The following CD209 variants were observed in gnomAD, a reference collection of about 807,000 sequenced individuals.
CD209 encodes CD209 antigen.
Under a neutral mutation model 44.7 loss-of-function variants are expected in CD209, and 31 were observed. The observed-to-expected ratio is 0.69, with a 90% confidence interval of 0.52 to 0.94. CD209 has a LOEUF of 0.94. Ranked by LOEUF, CD209 falls within the 40% of genes least tolerant of loss-of-function variation. The pLI is 0.00. For missense variants in CD209, 407 were observed against 452.4 expected (o/e 0.90, Z 0.91); for synonymous variants, 173 against 181.3 (o/e 0.95, Z 0.37).
In CD209 at chr19:7,741,038, T is replaced by C; in HGVS notation, c.*2001A>G. 1 of 763,776 alleles carries C rather than the reference T, an allele frequency of 1.3e-6. No individual in the cohort carries two copies. Among genetic ancestry groups the C allele is most frequent in the Admixed American group, 2.1e-5 (1 of 47,900 alleles). 47.3% of individuals were successfully genotyped at this position (763,776 alleles called of 1,614,324 possible). A position where few individuals can be genotyped will look rare whatever the true frequency, so the allele number is the denominator to read the frequency against. On this transcript the variant is annotated 3_prime_UTR_variant, in exon 7 of 7. Transcript: ENST00000315599. ...CCAACATCCAGTCCTACCCTTCTTA[T>C]TAAAAGCATGTTTACAGTGTTTGGA...
At position 7,741,028 on chromosome 19, in the gene CD209, A is replaced by C. The variant is rs181926571; in HGVS notation, c.*2011T>G. ...ACATGATTTCCCAACATCCAGTCCT[A>C]CCCTTCTTATTAAAAGCATGTTTAC... is the stretch of plus-strand genomic sequence containing the variant. On this transcript the variant is annotated 3_prime_UTR_variant, in exon 7 of 7. Transcript: ENST00000315599. 1.3e-6 allele frequency: 1 copy of C among 747,436 alleles called. No homozygotes were observed. The allele number at this position is 747,436 out of a possible 1,614,324, so 46.3% of individuals were successfully genotyped here.
chr19:7,741,299 G>T lies in CD209; in HGVS notation c.*1740C>A. On this transcript the variant is annotated 3_prime_UTR_variant, in exon 7 of 7. Coordinates refer to ENST00000315599, the MANE Select transcript of CD209 (RefSeq NM_021155.4). ...ATCCTGGTCAACATGTTGAAACCCC[G>T]TCTCTACCAAAAATACAAGAATTAG... 1 of 396,140 alleles carries T rather than the reference G, an allele frequency of 2.5e-6. No homozygotes were observed. 24.5% of individuals were successfully genotyped at this position (396,140 alleles called of 1,614,324 possible).
chr19:7,743,054 G>A lies in CD209; in HGVS notation c.1200C>T (p.Asn400=), dbSNP rs773931530. Residue 400 remains asparagine (N), a synonymous_variant, in exon 7 of 7, where the codon AAC becomes AAT. Coordinates refer to ENST00000315599, the MANE Select transcript of CD209 (RefSeq NM_021155.4). ...QFLSPAPATP[N]PPPA ...TGAAGTTCTGCTACGCAGGAGGGGG[G>A]TTTGGGGTGGCAGGGGCTGGAGAAA... 2.5e-5 allele frequency: 40 copies of A among 1,610,566 alleles called. No homozygotes were observed. In the Admixed American group the frequency reaches 6.0e-4, roughly 24 times the overall value.
In CD209 at chr19:7,740,173, G is replaced by C. The variant is rs1199166522; in HGVS notation, c.*2866C>G. 3.1e-5 allele frequency: 8 copies of C among 260,296 alleles called. No individual in the cohort carries two copies. The highest frequency in any genetic ancestry group is 5.1e-5 in the Non-Finnish European group (7 of 135,960). 16.1% of individuals were successfully genotyped at this position (260,296 alleles called of 1,614,324 possible). A position where few individuals can be genotyped will look rare whatever the true frequency, so the allele number is the denominator to read the frequency against. On this transcript the variant is annotated 3_prime_UTR_variant, in exon 7 of 7. Coordinates refer to ENST00000315599, the MANE Select transcript of CD209 (RefSeq NM_021155.4). Reference sequence around the variant, plus strand: ...GGCTTGATCTGACTGGATCACGCCAGGGCTCAATCTGATTGGATCAAGGAT... The same window carrying C: ...GGCTTGATCTGACTGGATCACGCCACGGCTCAATCTGATTGGATCAAGGAT...
Position 7,743,241 on chromosome 19 carries a change from C to G in CD209, c.1014-1G>C. Reference sequence around the variant, plus strand: ...TCCTCTGTTCCAATACTGCTTGAAGCTGCAAAGCCCATGCGGAATGTGAGC... The same window carrying G: ...TCCTCTGTTCCAATACTGCTTGAAGGTGCAAAGCCCATGCGGAATGTGAGC... On this transcript the variant is annotated splice_acceptor_variant, in intron 6 of 6. Transcript: ENST00000315599. LOFTEE classifies it high-confidence loss of function. 1 of 1,613,508 alleles carries G rather than the reference C, an allele frequency of 6.2e-7. No homozygotes were observed. The highest frequency in any genetic ancestry group is 8.5e-7 in the Non-Finnish European group (1 of 1,179,422).
chr19:7,740,986 T>C lies in CD209; in HGVS notation c.*2053A>G. The C allele has an allele frequency of 1.4e-6, 1 of 710,494 alleles. No homozygotes were observed. The allele number at this position is 710,494 out of a possible 1,614,324, so 44.0% of individuals were successfully genotyped here. ...CTACAGTAAAACAGGAGCTTGCAGATTTGGAGATAGATGTTCACATGATTT... is the reference window on the plus strand; with the variant it reads ...CTACAGTAAAACAGGAGCTTGCAGACTTGGAGATAGATGTTCACATGATTT... On this transcript the variant is annotated 3_prime_UTR_variant, in exon 7 of 7. Coordinates refer to ENST00000315599, the MANE Select transcript of CD209 (RefSeq NM_021155.4).
At position 7,747,384 on chromosome 19, in the gene CD209, A is replaced by T; in HGVS notation, c.47-19T>A. ...TCCTCCTCTGAATGGATAGACGTGA[A>T]ATCAGAGCCTGGGCAGGCTGAGGCC... On this transcript the variant is annotated intron_variant, in intron 1 of 6. Transcript: ENST00000315599. 1.9e-6 allele frequency: 3 copies of T among 1,614,226 alleles called. No homozygotes were observed. Among genetic ancestry groups the T allele is most frequent in the Non-Finnish European group, 2.5e-6 (3 of 1,180,038 alleles).
In CD209 at chr19:7,742,798, T is replaced by G; in HGVS notation, c.*241A>C. The G allele has an allele frequency of 1.8e-6, 1 of 564,044 alleles. No individual in the cohort carries two copies. Among genetic ancestry groups the G allele is most frequent in the South Asian group, 2.3e-5 (1 of 43,746 alleles). The allele number at this position is 564,044 out of a possible 1,614,324, so 34.9% of individuals were successfully genotyped here. A position where few individuals can be genotyped will look rare whatever the true frequency, so the allele number is the denominator to read the frequency against. The stretch of plus-strand genomic sequence containing the variant: ...CCTAATCTCCAAAAGGAAGAGAGAG[T>G]GGATTCTTGGAACACAAGTCCACCC... On this transcript the variant is annotated 3_prime_UTR_variant, in exon 7 of 7. Coordinates refer to ENST00000315599, the MANE Select transcript of CD209 (RefSeq NM_021155.4).
At position 7,742,090 on chromosome 19, in the gene CD209, T is replaced by C. The variant is rs749595073; in HGVS notation, c.*949A>G. On this transcript the variant is annotated 3_prime_UTR_variant, in exon 7 of 7. Transcript: ENST00000315599. ...GCTCCTCTAGATCCCAAAGTCGTGG[T>C]AGGAGGAGATCAGGTAGTAGAGACA... The C allele has an allele frequency of 2.0e-5, 6 of 293,466 alleles. No homozygotes were observed. Among genetic ancestry groups the C allele is most frequent in the Admixed American group, 1.2e-4 (3 of 24,850 alleles). 18.2% of individuals were successfully genotyped at this position (293,466 alleles called of 1,614,324 possible).
chr19:7,741,960 G>A lies in CD209; in HGVS notation c.*1079C>T, dbSNP rs2146313035. On this transcript the variant is annotated 3_prime_UTR_variant, in exon 7 of 7. Coordinates refer to ENST00000315599, the MANE Select transcript of CD209 (RefSeq NM_021155.4). ...AAATCTCACTAGCACATGTCAAAGA[G>A]CCAGGAGAGGCACAATTCACCTAGC... 1 of 362,072 alleles carries A rather than the reference G, an allele frequency of 2.8e-6. No individual in the cohort carries two copies. Among genetic ancestry groups the A allele is most frequent in the Non-Finnish European group, 5.5e-6 (1 of 181,026 alleles). 22.4% of individuals were successfully genotyped at this position (362,072 alleles called of 1,614,324 possible). A position where few individuals can be genotyped will look rare whatever the true frequency, so the allele number is the denominator to read the frequency against.
chr19:7,746,201 T>G, intron 3 of CD209, 114 bp from the exon 4 acceptor site: 1 of 1,464,120 alleles, frequency 6.8e-7, no homozygotes, highest in Non-Finnish European at 9.2e-7. Context: ...GTTAATCCCC[T>G]TTGAAGATGA....
In CD209 at chr19:7,745,637, G is replaced by T; in HGVS notation, c.629C>A (p.Ser210Tyr). The T allele has an allele frequency of 1.6e-6, 1 of 623,348 alleles. No homozygotes were observed. The allele number at this position is 623,348 out of a possible 1,614,324, so 38.6% of individuals were successfully genotyped here. ...KAAVGELPEK[S>Y]KQQEIYQELT... The stretch of plus-strand genomic sequence containing the variant: ...CTCCTGGTAGATCTCCTGCTGCTTA[G>T]ATTTCTCTGGAAGCTCACCCACTGC... The change falls in exon 4 of 7, where the codon TCT becomes TAT. Residue 210 changes from serine to tyrosine, a missense_variant. Physicochemically the swap from Ser to Tyr is moderately radical, Grantham distance 144. Transcript: ENST00000315599.
chr19:7,746,757 A>C (rs1599484722), intron 2 of CD209, among the ~76,000 whole-genome samples: 1 of 105,270 alleles, frequency 9.5e-6, no homozygotes, highest in South Asian at 3.0e-4. Context: ...ACCTGCTTCC[A>C]CCTCCCCAGG....
At position 7,744,088 on chromosome 19, in the gene CD209, T is replaced by C; in HGVS notation, c.1013+19A>G. On this transcript the variant is annotated intron_variant, in intron 6 of 6. Transcript: ENST00000315599. ...ACAATTCCAGCCCCAGTGGATAGGG[T>C]GCCCCTTCTGAGATCTACCTGGGCA... 6.4e-7 allele frequency: 1 copy of C among 1,572,288 alleles called. No homozygotes were observed. Among genetic ancestry groups the C allele is most frequent in the Non-Finnish European group, 8.8e-7 (1 of 1,142,038 alleles).
intron 6 of CD209, 66 bp downstream of exon 6, chr19:7,744,041 G>C (rs1375854765): frequency 7.6e-7 from 1 of 1,323,540 alleles, no homozygotes; most frequent in Non-Finnish European, 1.1e-6. Context: ...GGATCCCCAG[G>C]GAAAGTTCAA....
Position 7,741,106 on chromosome 19 carries a change from C to T in CD209, c.*1933G>A, listed in dbSNP as rs867765175. 1.4e-5 allele frequency: 14 copies of T among 1,027,454 alleles called. No homozygotes were observed. The highest frequency in any genetic ancestry group is 2.0e-5 in the Admixed American group (1 of 48,956). The allele number at this position is 1,027,454 out of a possible 1,614,324, so 63.6% of individuals were successfully genotyped here. ...GGATGACTATGACTCCGAAGCAAGC[C>T]TGGAGTACAGCGAGGAAGAAACCTA... On this transcript the variant is annotated 3_prime_UTR_variant, in exon 7 of 7. Transcript: ENST00000315599.
chr19:7,747,019 C>A (rs374296193), intron 2 of CD209, among the ~76,000 whole-genome samples: 6 of 150,548 alleles, frequency 4.0e-5, no homozygotes, highest in South Asian at 2.1e-4. Flanking sequence ...AGGCCCCCAC[C>A]TCTCCAGGAC....
chr19:7,743,793 A>G (rs73493971), intron 6 of CD209, among the ~76,000 whole-genome samples: 5,507 of 152,174 alleles, frequency 0.036, 259 homozygotes, highest in African/African-American at 0.11. Context: ...GGATCTGTGT[A>G]TATGAGAAGC....
intron 4 of CD209, 38 bp from the exon 5 acceptor site, chr19:7,745,130 G>C (rs1257620825): frequency 6.8e-6 from 11 of 1,612,174 alleles, no homozygotes; most frequent in Non-Finnish European, 7.6e-6. Context: ...GCTTAGATTA[G>C]GTTGTCCATA....
Sources: allele counts gnomAD v4.1 joint callset (sites outside exome capture counted in the v4.1 genomes callset), GRCh38; gene constraint gnomAD v4.1.1; transcripts MANE v1.5; gene names NCBI Gene and HGNC (gene_info 2026-07-23, HGNC 2026-07-21).